Variants in HECTD2 observed in about 807,000 individuals in gnomAD.
The protein encoded by HECTD2 is HECT domain E3 ubiquitin protein ligase 2.
A neutral mutation model predicts 103.2 loss-of-function variants in HECTD2; 35 were observed. The observed-to-expected ratio is 0.34, with a 90% CI of 0.26 to 0.45. The LOEUF (loss-of-function observed/expected upper bound fraction) is 0.45, where lower values mean the gene tolerates loss of function less well. Ranked by LOEUF, HECTD2 falls within the 20% of genes least tolerant of loss-of-function variation. HECTD2 has a pLI of 1.00. For missense variants in HECTD2, 596 were observed against 937.4 expected (o/e 0.64, Z 4.76); for synonymous variants, 281 against 329.9 (o/e 0.85, Z 1.61).
chr10:91,444,817 A>G (rs1844527603), intron 2 of HECTD2, among the ~76,000 whole-genome samples: 2 of 152,222 alleles, frequency 1.3e-5, no homozygotes, highest in Non-Finnish European at 2.9e-5. Context: ...AGAATATCAT[A>G]ATACAGTGAA....
rs1431150687 is a variant in HECTD2, at chr10:91,455,854, G to C, written c.269-4573G>C. 1.8e-4 allele frequency among the ~76,000 whole-genome samples: 27 copies of C among 151,938 alleles called. No individual in the cohort carries two copies. In the South Asian group the frequency reaches 3.3e-3, roughly 19 times the overall value. On this transcript the variant is annotated intron_variant, in intron 2 of 20. Coordinates refer to ENST00000298068, the MANE Select transcript of HECTD2 (RefSeq NM_182765.6). ...AATCCTTTCCCTATTTCTTGTTTTTGTCAGGTTTGTCAAAGATCAGATGGT... is the reference window on the plus strand; with the variant it reads ...AATCCTTTCCCTATTTCTTGTTTTTCTCAGGTTTGTCAAAGATCAGATGGT...
At chr10:91,479,343 T>C (rs1478765915) in intron 6 of HECTD2, among the ~76,000 whole-genome samples, 1 of 152,168 alleles carries the variant, frequency 6.6e-6, no homozygotes, top group Non-Finnish European at 1.5e-5. Context: ...GTAACATAAA[T>C]TTCAGAATCA....
intron 2 of HECTD2, among the ~76,000 whole-genome samples, chr10:91,452,000 A>G (rs903296835): frequency 6.6e-6 from 1 of 152,180 alleles, no homozygotes; most frequent in African/African-American, 2.4e-5. Flanking sequence ...TACAACAATC[A>G]AAGTAAAAAG....
intron 5 of HECTD2, among the ~76,000 whole-genome samples, chr10:91,467,981 C>T (rs180687694): frequency 5.3e-5 from 8 of 152,280 alleles, no homozygotes; most frequent in Admixed American, 2.6e-4. Flanking sequence ...ACCACCACTG[C>T]TGCCAGCTCA....
chr10:91,458,792 T>G (rs998977513), intron 2 of HECTD2, among the ~76,000 whole-genome samples: 1 of 151,762 alleles, frequency 6.6e-6, no homozygotes, highest in Non-Finnish European at 1.5e-5. Context: ...AGAAAAAAAA[T>G]GAAACGATCT....
At chr10:91,503,969 C>G (rs1847028674) in intron 20 of HECTD2, among the ~76,000 whole-genome samples, 1 of 152,190 alleles carries the variant, frequency 6.6e-6, no homozygotes, top group Non-Finnish European at 1.5e-5. Context: ...GTCCCTGACA[C>G]CTGACCCCCG....
chr10:91,506,531 G>A (rs1415935453), intron 20 of HECTD2, among the ~76,000 whole-genome samples: 1 of 152,038 alleles, frequency 6.6e-6, no homozygotes, highest in Non-Finnish European at 1.5e-5. Flanking sequence ...TAGAAGAAAT[G>A]GATAAATTCC....
At chr10:91,484,456 G>T in intron 8 of HECTD2, 51 bp from the exon 9 acceptor site, 2 of 1,564,942 alleles carry the variant, frequency 1.3e-6, no homozygotes. Context: ...AGATAATTTT[G>T]GAAATAGAAA....
At chr10:91,501,057 T>G in intron 19 of HECTD2, 134 bp from the exon 20 acceptor site, 1 of 667,726 alleles carries the variant, frequency 1.5e-6, no homozygotes, top group Non-Finnish European at 2.6e-6. Flanking sequence ...AAGCTCACCA[T>G]TCCTTAATTT....
At chr10:91,462,398 T>G in intron 5 of HECTD2, 1 of 1,193,894 alleles carries the variant, frequency 8.4e-7, no homozygotes, top group Non-Finnish European at 1.1e-6. Context: ...TATCCAATCC[T>G]TTTTTAGAAA....
intron 10 of HECTD2, 131 bp downstream of exon 10, chr10:91,485,434 T>G: frequency 3.4e-6 from 2 of 591,902 alleles, no homozygotes; most frequent in Non-Finnish European, 5.6e-6. Flanking sequence ...CAGATAGCCT[T>G]GAAATATCAT....
At chr10:91,484,030 A>G (rs1846183993) in intron 8 of HECTD2, 1 of 257,790 alleles carries the variant, frequency 3.9e-6, no homozygotes, top group Non-Finnish European at 7.3e-6. Flanking sequence ...AATGTGAAAA[A>G]CATGAAGCTA....
intron 2 of HECTD2, among the ~76,000 whole-genome samples, chr10:91,434,050 A>C (rs1844010535): frequency 6.6e-6 from 1 of 152,002 alleles, no homozygotes; most frequent in African/African-American, 2.4e-5. Flanking sequence ...CAGTTTTATA[A>C]ACACACATCA....
At chr10:91,422,833 G>A (rs970565960) in intron 1 of HECTD2, among the ~76,000 whole-genome samples, 4 of 152,100 alleles carry the variant, frequency 2.6e-5, no homozygotes, top group African/African-American at 9.7e-5. Context: ...TTGAATAACT[G>A]TTAATTGAAT....
chr10:91,497,257 T>G (rs1451864099), intron 15 of HECTD2, among the ~76,000 whole-genome samples: 2 of 148,768 alleles, frequency 1.3e-5, no homozygotes, highest in African/African-American at 2.5e-5. Context: ...ATTACAGGCA[T>G]GAGCCACTGA....
chr10:91,510,190 C>CT (rs1254366068), intron 20 of HECTD2, among the ~76,000 whole-genome samples: 1 of 152,104 alleles, frequency 6.6e-6, no homozygotes, highest in Non-Finnish European at 1.5e-5. Flanking sequence ...ATTCAGAATG[C>CT]TTTTTTCCCC....
rs949196905 is a variant in HECTD2 at position 91,462,083 on chromosome 10, T to C, written c.511-12T>C. ...ATGTTGAATATACTTAATTCTTAAA[T>C]TGAATTTGCAGAAAGATGCCACTGC... is the stretch of plus-strand genomic sequence containing the variant. On this transcript the variant is annotated splice_polypyrimidine_tract_variant and intron_variant, in intron 4 of 20. Coordinates refer to ENST00000298068, the MANE Select transcript of HECTD2 (RefSeq NM_182765.6). 3.2e-6 allele frequency: 5 copies of C among 1,565,352 alleles called. No individual in the cohort carries two copies. Among genetic ancestry groups the C allele is most frequent in the Non-Finnish European group, 4.4e-6 (5 of 1,140,402 alleles).
chr10:91,510,642 A>C (rs1847386224), intron 20 of HECTD2, among the ~76,000 whole-genome samples: 1 of 152,222 alleles, frequency 6.6e-6, no homozygotes, highest in Non-Finnish European at 1.5e-5. Context: ...GGATGCATGA[A>C]ACACTGGCAT....
intron 7 of HECTD2, among the ~76,000 whole-genome samples, chr10:91,481,920 G>A (rs545144776): frequency 6.6e-4 from 100 of 151,796 alleles, no homozygotes; most frequent in Admixed American, 6.4e-3. Flanking sequence ...CATATACAGG[G>A]TAGGGATAGA....
Sources: gnomAD v4.1 joint callset for allele counts (sites outside exome capture counted in the v4.1 genomes callset) on GRCh38, gnomAD v4.1.1 for gene constraint, MANE v1.5 for transcripts, NCBI Gene and HGNC (gene_info 2026-07-23, HGNC 2026-07-21) for gene names.